The following SLAMF9 variants were observed in gnomAD, a reference collection of about 807,000 sequenced individuals.
SLAMF9 encodes the protein SLAM family member 9, also known as CD2 family member 10.
A neutral mutation model predicts 30.4 loss-of-function variants in SLAMF9; 25 were observed. The ratio of observed to expected loss-of-function variants is 0.82; its 90% CI spans 0.60 to 1.15. The LOEUF (loss-of-function observed/expected upper bound fraction) is 1.15, where lower values mean the gene tolerates loss of function less well. Ranked by LOEUF, SLAMF9 falls within the 50% of genes most tolerant of loss-of-function variation. SLAMF9 has a pLI of 0.00. For missense variants in SLAMF9, 344 were observed against 346.1 expected, an observed-to-expected ratio of 0.99 and a Z score of 0.05; for synonymous variants, 129 against 127.2, an observed-to-expected ratio of 1.01 and a Z score of -0.09.
upstream of SLAMF9, among the ~76,000 whole-genome samples, chr1:159,958,833 C>T (rs1007991895): frequency 6.6e-6 from 1 of 152,032 alleles, no homozygotes; most frequent in African/African-American, 2.4e-5. Flanking sequence ...CTCTCACTGC[C>T]CTTTTAATCT....
chr1:159,969,824 T>C, the SLAMF9 span, among the ~76,000 whole-genome samples: 1 of 152,122 alleles, frequency 6.6e-6, no homozygotes, highest in Non-Finnish European at 1.5e-5. Flanking sequence ...AGGCAGATCA[T>C]TTGAGCCCAG....
the SLAMF9 span, chr1:159,974,037 T>C: frequency 1.2e-6 from 2 of 1,605,654 alleles, no homozygotes; most frequent in Non-Finnish European, 1.7e-6. Flanking sequence ...AAACACAGGG[T>C]TTGGCCAGGC....
chr1:159,973,125 C>CT, the SLAMF9 span: 14 of 1,534,182 alleles, frequency 9.1e-6, no homozygotes, highest in African/African-American at 1.8e-4. Context: ...GTGGGGGCCC[C>CT]TGTCCTGCAA....
chr1:159,952,147 G>C, intron 3 of SLAMF9, 115 bp downstream of exon 3: 1 of 1,239,858 alleles, frequency 8.1e-7, no homozygotes, highest in Non-Finnish European at 1.1e-6. Flanking sequence ...GCCTCCATGG[G>C]AGGGGGTTAG....
At chr1:159,979,317 T>C in the SLAMF9 span, among the ~76,000 whole-genome samples, 1 of 152,218 alleles carries the variant, frequency 6.6e-6, no homozygotes, top group African/African-American at 2.4e-5. Flanking sequence ...GTCTTTTTGG[T>C]TGCCACTATG....
chr1:159,958,636 A>T (rs1651980290), upstream of SLAMF9, among the ~76,000 whole-genome samples: 1 of 150,970 alleles, frequency 6.6e-6, no homozygotes, highest in Non-Finnish European at 1.5e-5. Flanking sequence ...AAGTTTTTTA[A>T]TTTTTTTTTA....
At chr1:159,954,066 G>A in intron 1 of SLAMF9, 26 bp downstream of exon 1, 1 of 1,613,816 alleles carries the variant, frequency 6.2e-7, no homozygotes, top group Non-Finnish European at 8.5e-7. Context: ...GGACATTCCT[G>A]TGCACGAGCT....
the SLAMF9 span, among the ~76,000 whole-genome samples, chr1:159,970,196 T>C: frequency 1.3e-5 from 2 of 152,226 alleles, no homozygotes; most frequent in African/African-American, 2.4e-5. Context: ...AAAGTTGGGC[T>C]TTCTGCCTCC....
the SLAMF9 span, among the ~76,000 whole-genome samples, chr1:159,964,809 T>C: frequency 3.9e-5 from 6 of 152,214 alleles, no homozygotes; most frequent in Non-Finnish European, 7.3e-5. Flanking sequence ...ATTGTCATCA[T>C]CAATAATGTG....
At chr1:159,972,660 G>A in the SLAMF9 span, 4 of 174,760 alleles carry the variant, frequency 2.3e-5, no homozygotes, top group Non-Finnish European at 4.9e-5. Context: ...GAGGGAAACA[G>A]CTCCACCATG....
At chr1:159,968,245 T>C in the SLAMF9 span, among the ~76,000 whole-genome samples, 1 of 152,222 alleles carries the variant, frequency 6.6e-6, no homozygotes, top group Admixed American at 6.5e-5. Flanking sequence ...TTGTTGTATA[T>C]GGATTTTACT....
chr1:159,969,498 T>C, the SLAMF9 span, among the ~76,000 whole-genome samples: 2 of 152,222 alleles, frequency 1.3e-5, no homozygotes, highest in African/African-American at 4.8e-5. Flanking sequence ...CTCAGCACTT[T>C]GCTTAAACCC....
the SLAMF9 span, among the ~76,000 whole-genome samples, chr1:159,974,517 G>A: frequency 6.6e-5 from 10 of 152,172 alleles, no homozygotes; most frequent in Non-Finnish European, 1.3e-4. Context: ...AGGTCCGGAC[G>A]TGTGAGAATC....
chr1:159,973,251 G>A, the SLAMF9 span: 8 of 882,308 alleles, frequency 9.1e-6, no homozygotes, highest in African/African-American at 5.0e-5. Context: ...AGGAGTGGGG[G>A]CGACACTCAG....
the SLAMF9 span, among the ~76,000 whole-genome samples, chr1:159,982,336 G>T: frequency 3.3e-5 from 5 of 152,070 alleles, no homozygotes; most frequent in Non-Finnish European, 7.4e-5. Flanking sequence ...CGTCAATGCC[G>T]CTTCACATCA....
the SLAMF9 span, among the ~76,000 whole-genome samples, chr1:159,969,662 T>C: frequency 6.6e-6 from 1 of 152,208 alleles, no homozygotes; most frequent in African/African-American, 2.4e-5. Flanking sequence ...TAGTTACATA[T>C]TAGGCTTATG....
At chr1:159,952,240 G>T (rs1191680331) in intron 3 of SLAMF9, 22 bp downstream of exon 3, 4 of 1,612,502 alleles carry the variant, frequency 2.5e-6, no homozygotes, top group South Asian at 1.1e-5. Context: ...GAGCTCAGGG[G>T]GTGTCTCAGG....
chr1:159,974,862 A>G, the SLAMF9 span, among the ~76,000 whole-genome samples: 1 of 152,198 alleles, frequency 6.6e-6, no homozygotes, highest in Non-Finnish European at 1.5e-5. Context: ...TCTCATTCCC[A>G]TTATGAGCAA....
upstream of SLAMF9, among the ~76,000 whole-genome samples, chr1:159,957,575 G>A (rs909188196): frequency 7.9e-5 from 12 of 152,216 alleles, no homozygotes; most frequent in African/African-American, 2.9e-4. Context: ...AGTCAGCCGA[G>A]ATCGTGCCAC....
Sources: allele counts gnomAD v4.1 joint callset (sites outside exome capture counted in the v4.1 genomes callset), GRCh38; gene constraint gnomAD v4.1.1; transcripts MANE v1.5; gene names NCBI Gene and HGNC (gene_info 2026-07-23, HGNC 2026-07-21).